Variants in PSMA3 observed in about 807,000 individuals in gnomAD.
PSMA3 encodes proteasome subunit alpha type-3.
A neutral mutation model predicts 40.0 loss-of-function variants in PSMA3; 8 were observed. The ratio of observed to expected loss-of-function variants is 0.20; its 90% CI spans 0.12 to 0.36. The LOEUF (loss-of-function observed/expected upper bound fraction) is 0.36, where lower values mean the gene tolerates loss of function less well. Among genes scored for constraint, PSMA3 ranks in the 10% least tolerant of loss-of-function variants. PSMA3 has a pLI of 1.00. For missense variants in PSMA3, 219 were observed against 310.6 expected (o/e 0.70, Z 2.22); for synonymous variants, 110 against 100.0 (o/e 1.10, Z -0.59).
At chr14:58,254,890 AATT>A (rs964227537) in intron 3 of PSMA3, among the ~76,000 whole-genome samples, 10 of 152,330 alleles carry the variant, frequency 6.6e-5, no homozygotes, top group East Asian at 3.9e-4. Flanking sequence ...TGAGGTTAAA[AATT>A]ATTATGCAAA....
chr14:58,263,884 C>T, intron 7 of PSMA3, 114 bp downstream of exon 7: 1 of 889,632 alleles, frequency 1.1e-6, no homozygotes, highest in South Asian at 1.4e-5. Context: ...CTTCCCTGGG[C>T]CACACATAAA....
chr14:58,257,129 C>T (rs1890163145), intron 3 of PSMA3, among the ~76,000 whole-genome samples: 1 of 148,300 alleles, frequency 6.7e-6, no homozygotes. Flanking sequence ...AAAATCTGAC[C>T]AAGACCCATG....
At chr14:58,268,296 T>G (rs187701779) in intron 8 of PSMA3, among the ~76,000 whole-genome samples, 1 of 152,312 alleles carries the variant, frequency 6.6e-6, no homozygotes, top group East Asian at 1.9e-4. Context: ...TATTCCACAT[T>G]AGAACTACAT....
Position 58,267,463 on chromosome 14 carries a change from A to C in PSMA3, c.544-11A>C. 6.5e-7 allele frequency: 1 copy of C among 1,550,236 alleles called. No homozygotes were observed. The highest frequency in any genetic ancestry group is 8.7e-7 in the Non-Finnish European group (1 of 1,155,020). On this transcript the variant is annotated splice_polypyrimidine_tract_variant and intron_variant, in intron 7 of 10. Transcript: ENST00000216455. ...TCTTCTGATGAACAGTATACATTTTATTTTCTATAGATGAAAGAAATGACC... is the reference window on the plus strand; with the variant it reads ...TCTTCTGATGAACAGTATACATTTTCTTTTCTATAGATGAAAGAAATGACC...
At chr14:58,257,002 T>G (rs1890159473) in intron 3 of PSMA3, among the ~76,000 whole-genome samples, 1 of 149,058 alleles carries the variant, frequency 6.7e-6, no homozygotes, top group Non-Finnish European at 1.5e-5. Flanking sequence ...CTGGGGAGGC[T>G]GAGGCAGGAG....
intron 10 of PSMA3, among the ~76,000 whole-genome samples, 196 bp from the exon 11 acceptor site, chr14:58,271,655 A>G (rs1033373350): frequency 1.3e-5 from 2 of 152,258 alleles, no homozygotes; most frequent in Admixed American, 6.5e-5. Flanking sequence ...TATTCTATCA[A>G]AGATACAGTC....
At position 58,267,526 on chromosome 14, in the gene PSMA3, T is replaced by C. The variant is rs747982940; in HGVS notation, c.590+6T>C. The C allele has an allele frequency of 8.9e-6, 14 of 1,573,570 alleles. No individual in the cohort carries two copies. The highest frequency in any genetic ancestry group is 4.9e-5 in the South Asian group (4 of 81,580). ...GTTAAAGAAGTTGCAAAAATGTAAG[T>C]TGAAATTTTTCTTACCATCCACAAA... is the stretch of plus-strand genomic sequence containing the variant. On this transcript the variant is annotated splice_donor_region_variant and intron_variant, in intron 8 of 10. Coordinates refer to ENST00000216455, the MANE Select transcript of PSMA3 (RefSeq NM_002788.4).
intron 6 of PSMA3, among the ~76,000 whole-genome samples, chr14:58,262,448 C>T (rs117404834): frequency 0.014 from 2,099 of 152,196 alleles, 25 homozygotes; most frequent in Non-Finnish European, 0.016. Context: ...TCAAGTAATC[C>T]GCCCACCTTG....
intron 3 of PSMA3, among the ~76,000 whole-genome samples, chr14:58,255,813 G>GA (rs2140085196): frequency 6.6e-6 from 1 of 152,274 alleles, no homozygotes; most frequent in African/African-American, 2.4e-5. Context: ...TCACTGCAGT[G>GA]CCTGAGGACC....
chr14:58,257,614 C>T (rs1168405554), intron 3 of PSMA3, 131 bp from the exon 4 acceptor site: 2 of 693,066 alleles, frequency 2.9e-6, no homozygotes, highest in African/African-American at 1.8e-5. Context: ...TGTAGAGAGA[C>T]CTTTAAGCCA....
At chr14:58,249,386 C>T (rs187209803) in intron 2 of PSMA3, among the ~76,000 whole-genome samples, 8 of 152,332 alleles carry the variant, frequency 5.3e-5, no homozygotes, top group Admixed American at 6.5e-5. Context: ...TGGTCTCACT[C>T]ACTATGTTGC....
intron 8 of PSMA3, 106 bp downstream of exon 8, chr14:58,267,626 G>A: frequency 7.7e-7 from 1 of 1,300,030 alleles, no homozygotes; most frequent in East Asian, 3.0e-5. Context: ...ATAACTTAGT[G>A]TATAATTTTT....
chr14:58,261,849 T>C (rs1278299400), intron 6 of PSMA3, among the ~76,000 whole-genome samples: 1 of 152,050 alleles, frequency 6.6e-6, no homozygotes, highest in Non-Finnish European at 1.5e-5. Flanking sequence ...CTCCTGGCCT[T>C]AAGCAGTCCT....
chr14:58,257,649 A>G (rs1241415441), intron 3 of PSMA3, 96 bp from the exon 4 acceptor site: 4 of 1,101,808 alleles, frequency 3.6e-6, no homozygotes, highest in Non-Finnish European at 5.3e-6. Context: ...GAATGGTAAT[A>G]CTTGTTAAAA....
chr14:58,257,732 G>T lies in PSMA3; in HGVS notation c.229-13G>T. On this transcript the variant is annotated splice_polypyrimidine_tract_variant and intron_variant, in intron 3 of 10. Transcript: ENST00000216455. ...GAATGTGTTCCTCTAGTAAATTGGT[G>T]CTTTTTTTTCAGGCAGTAGCAGGTT... 1 of 1,601,208 alleles carries T rather than the reference G, an allele frequency of 6.2e-7. No individual in the cohort carries two copies. Among genetic ancestry groups the T allele is most frequent in the Non-Finnish European group, 8.5e-7 (1 of 1,169,856 alleles).
At chr14:58,271,094 C>T in intron 10 of PSMA3, 96 bp downstream of exon 10, 2 of 718,618 alleles carry the variant, frequency 2.8e-6, no homozygotes, top group East Asian at 2.9e-5. Context: ...CAGCAAGACC[C>T]CCATCCCTAA....
Position 58,267,540 on chromosome 14 carries a change from A to G in PSMA3, c.590+20A>G. 6.4e-7 allele frequency: 1 copy of G among 1,564,882 alleles called. No homozygotes were observed. The highest frequency in any genetic ancestry group is 8.6e-7 in the Non-Finnish European group (1 of 1,160,546). ...AAAAATGTAAGTTGAAATTTTTCTT[A>G]CCATCCACAAAAATATTTCATTTGA... On this transcript the variant is annotated intron_variant, in intron 8 of 10. Transcript: ENST00000216455.
intron 5 of PSMA3, among the ~76,000 whole-genome samples, chr14:58,259,370 A>G (rs1890219091): frequency 6.6e-6 from 1 of 152,124 alleles, no homozygotes; most frequent in South Asian, 2.1e-4. Context: ...GCTGGAATGC[A>G]GTGGCACGAT....
intron 8 of PSMA3, 30 bp from the exon 9 acceptor site, chr14:58,270,387 CA>C (rs1261130721): frequency 6.2e-7 from 1 of 1,611,448 alleles, no homozygotes; most frequent in South Asian, 1.1e-5. Flanking sequence ...TGGAGGTTAC[CA>C]AAATCTTACC....
Sources: gnomAD v4.1 joint callset for allele counts (sites outside exome capture counted in the v4.1 genomes callset) on GRCh38, gnomAD v4.1.1 for gene constraint, MANE v1.5 for transcripts, NCBI Gene and HGNC (gene_info 2026-07-23, HGNC 2026-07-21) for gene names.